The following HDHD2 variants were observed in gnomAD, a reference collection of about 807,000 sequenced individuals.
The protein encoded by HDHD2 is haloacid dehalogenase like hydrolase domain containing 2.
A neutral mutation model predicts 24.8 loss-of-function variants in HDHD2; 26 were observed. The ratio of observed to expected loss-of-function variants is 1.05; its 90% CI spans 0.77 to 1.45. The LOEUF (loss-of-function observed/expected upper bound fraction) is 1.45. HDHD2 is among the 40% of genes most tolerant of loss of function. HDHD2 has a pLI of 0.00. For missense variants in HDHD2, 299 were observed against 313.4 expected, an observed-to-expected ratio of 0.95 and a Z score of 0.35; for synonymous variants, 128 against 114.9, an observed-to-expected ratio of 1.11 and a Z score of -0.73.
intron 3 of HDHD2, among the ~76,000 whole-genome samples, chr18:47,133,241 C>T (rs556786018): frequency 6.6e-6 from 1 of 151,546 alleles, no homozygotes; most frequent in East Asian, 1.9e-4. Context: ...TGAGAACATG[C>T]AGTGTTTGGT....
chr18:47,134,870 T>TA (rs1439834840), intron 2 of HDHD2, among the ~76,000 whole-genome samples, 166 bp from the exon 3 acceptor site: 3 of 152,222 alleles, frequency 2.0e-5, no homozygotes, highest in Non-Finnish European at 2.9e-5. Flanking sequence ...CATAGCTACT[T>TA]AGAGATGTCA....
At chr18:47,132,082 A>C (rs756077097) in intron 3 of HDHD2, among the ~76,000 whole-genome samples, 2 of 152,074 alleles carry the variant, frequency 1.3e-5, no homozygotes, top group Non-Finnish European at 2.9e-5. Context: ...CTTCCCCTTT[A>C]GGTAACCATT....
intron 3 of HDHD2, among the ~76,000 whole-genome samples, chr18:47,131,166 G>A (rs915610249): frequency 1.4e-4 from 22 of 152,108 alleles, no homozygotes; most frequent in African/African-American, 3.6e-4. Flanking sequence ...TGGTAGAGAC[G>A]GGGTTTCTCC....
intron 4 of HDHD2, among the ~76,000 whole-genome samples, chr18:47,125,224 C>T (rs765558844): frequency 1.1e-4 from 17 of 151,916 alleles, no homozygotes; most frequent in Non-Finnish European, 2.1e-4. Flanking sequence ...CTATATACAC[C>T]AAACAGAATA....
chr18:47,127,028 G>A (rs1469304170), intron 4 of HDHD2, among the ~76,000 whole-genome samples: 2 of 152,080 alleles, frequency 1.3e-5, no homozygotes, highest in Admixed American at 6.5e-5. Flanking sequence ...GGGCGTGGTG[G>A]TGGGCACCTG....
chr18:47,131,766 A>G (rs1365834488), intron 3 of HDHD2, among the ~76,000 whole-genome samples: 1 of 152,100 alleles, frequency 6.6e-6, no homozygotes, highest in Non-Finnish European at 1.5e-5. Context: ...TACCAGTATT[A>G]CTAATAACAA....
intron 4 of HDHD2, among the ~76,000 whole-genome samples, chr18:47,126,559 T>C (rs1435122239): frequency 6.6e-6 from 1 of 152,160 alleles, no homozygotes; most frequent in Non-Finnish European, 1.5e-5. Flanking sequence ...ATGGGAAGAA[T>C]GTTATTAACA....
At chr18:47,123,154 G>A (rs1714261515) in intron 4 of HDHD2, among the ~76,000 whole-genome samples, 1 of 152,120 alleles carries the variant, frequency 6.6e-6, no homozygotes, top group African/African-American at 2.4e-5. Flanking sequence ...TATAGAAAAT[G>A]CAATCCAAAA....
chr18:47,130,470 C>T (rs1454266846), intron 3 of HDHD2, 142 bp from the exon 4 acceptor site: 1 of 587,692 alleles, frequency 1.7e-6, no homozygotes, highest in Non-Finnish European at 3.0e-6. Flanking sequence ...GCCCAGTGTA[C>T]TTTGGAAGTA....
At chr18:47,137,384 T>G (rs914667901) in intron 1 of HDHD2, 11 of 313,782 alleles carry the variant, frequency 3.5e-5, no homozygotes, top group Non-Finnish European at 6.1e-6. Flanking sequence ...GGCGATTTGA[T>G]TCCACCACAT....
chr18:47,121,035 G>A (rs1235344582), intron 4 of HDHD2, among the ~76,000 whole-genome samples: 1 of 151,556 alleles, frequency 6.6e-6, no homozygotes, highest in African/African-American at 2.4e-5. Context: ...GAGACACAAA[G>A]TGAGCACATA....
chr18:47,110,041 C>T (rs911889639), intron 6 of HDHD2: 1 of 985,438 alleles, frequency 1.0e-6, no homozygotes, highest in Non-Finnish European at 1.2e-6. Context: ...CTGCCCTTCA[C>T]CTTTCTCCTT....
chr18:47,118,582 G>A (rs1291512253), intron 4 of HDHD2, among the ~76,000 whole-genome samples: 1 of 152,126 alleles, frequency 6.6e-6, no homozygotes, highest in African/African-American at 2.4e-5. Context: ...GGCCTGTTGG[G>A]ACTGCAGGGG....
At chr18:47,144,321 C>T (rs1005085330) in intron 1 of HDHD2, among the ~76,000 whole-genome samples, 1 of 152,136 alleles carries the variant, frequency 6.6e-6, no homozygotes, top group East Asian at 1.9e-4. Context: ...AAAACCAAGA[C>T]CTCACTGTAA....
chr18:47,124,518 C>A (rs769464855), intron 4 of HDHD2, among the ~76,000 whole-genome samples: 1 of 151,328 alleles, frequency 6.6e-6, no homozygotes, highest in African/African-American at 2.4e-5. Context: ...ACCAGCCTGA[C>A]CAACACGGAG....
intron 1 of HDHD2, 82 bp downstream of exon 1, chr18:47,150,296 G>A (rs2063918682): frequency 6.6e-6 from 1 of 152,470 alleles, no homozygotes; most frequent in Non-Finnish European, 1.5e-5. Flanking sequence ...GCCACTAGTA[G>A]TTCCCGAACC....
intron 5 of HDHD2, among the ~76,000 whole-genome samples, chr18:47,113,636 A>T (rs1478316718): frequency 2.0e-5 from 3 of 152,196 alleles, no homozygotes; most frequent in Non-Finnish European, 4.4e-5. Flanking sequence ...TACATCATCA[A>T]TGATGATGAA....
At chr18:47,118,590 G>A (rs777098662) in intron 4 of HDHD2, among the ~76,000 whole-genome samples, 7 of 152,130 alleles carry the variant, frequency 4.6e-5, no homozygotes, top group Non-Finnish European at 8.8e-5. Flanking sequence ...GGGACTGCAG[G>A]GGAGGGAGAC....
At chr18:47,122,966 G>A (rs1057208372) in intron 4 of HDHD2, among the ~76,000 whole-genome samples, 3 of 152,076 alleles carry the variant, frequency 2.0e-5, no homozygotes, top group African/African-American at 7.2e-5. Context: ...ACTCAAAGTG[G>A]TAAAATACTG....
Sources: gnomAD v4.1 joint callset for allele counts (sites outside exome capture counted in the v4.1 genomes callset) on GRCh38, gnomAD v4.1.1 for gene constraint, MANE v1.5 for transcripts, NCBI Gene and HGNC (gene_info 2026-07-23, HGNC 2026-07-21) for gene names.